ATAD2B: variants seen among roughly 807,000 people sequenced by gnomAD.
The protein encoded by ATAD2B is ATPase family AAA domain containing 2B, also known as ATPase family AAA domain-containing protein 2B.
ATAD2B carries 40 observed loss-of-function variants against 167.6 expected under a neutral mutation model. The ratio of observed to expected loss-of-function variants is 0.24; its 90% confidence interval spans 0.19 to 0.31. The LOEUF is 0.31. ATAD2B is among the 10% of genes least tolerant of loss of function. ATAD2B has a pLI of 1.00. For missense variants in ATAD2B, 1,242 were observed against 1,757.2 expected (o/e 0.71, Z 5.24); for synonymous variants, 579 against 596.5 (o/e 0.97, Z 0.43).
At chr2:23,839,549 T>C (rs543483451) in intron 13 of ATAD2B, among the ~76,000 whole-genome samples, 1 of 152,188 alleles carries the variant, frequency 6.6e-6, no homozygotes, top group South Asian at 2.1e-4. Context: ...TTAACTGACT[T>C]CCCTCATATT....
intron 6 of ATAD2B, among the ~76,000 whole-genome samples, chr2:23,882,420 G>A (rs1036652067): frequency 6.0e-4 from 87 of 145,326 alleles, no homozygotes; most frequent in Admixed American, 1.9e-3. Flanking sequence ...GGCCTCAAAC[G>A]CCTGATCTCA....
chr2:23,711,342 CTTTTTTTTTTTTTTTTTTTTTTTTTTTT>C, the ATAD2B span, among the ~76,000 whole-genome samples: 79 of 79,792 alleles, frequency 9.9e-4, no homozygotes, highest in Middle Eastern at 0.015. Context: ...GAATTTCTTT[CTTTTTTTTTTTTTTTTTTTTTTTTTTTT>C]TTTTTTTTTT....
Position 23,810,625 on chromosome 2 carries a change from A to C in ATAD2B, c.2268-123T>G, listed in dbSNP as rs1253303524. ...CAAATTAACAGAACTTTCCTATATT[A>C]TTTTAGTATAGTGACTTATTTTTTT... On this transcript the variant is annotated intron_variant, in intron 17 of 27. Transcript: ENST00000238789. The C allele has an allele frequency of 5.5e-6, 4 of 728,358 alleles. No homozygotes were observed. In the African/African-American group the frequency reaches 7.1e-5, roughly 13 times the overall value. The allele number at this position is 728,358 out of a possible 1,614,324, so 45.1% of individuals were successfully genotyped here.
chr2:23,740,634 ACT>A, the ATAD2B span, among the ~76,000 whole-genome samples: 1 of 152,160 alleles, frequency 6.6e-6, no homozygotes, highest in Non-Finnish European at 1.5e-5. Flanking sequence ...CTCTTTGAAA[ACT>A]GGCACAAGAC....
chr2:23,924,660 A>G (rs1296315766), intron 1 of ATAD2B, among the ~76,000 whole-genome samples: 2 of 152,222 alleles, frequency 1.3e-5, no homozygotes, highest in African/African-American at 2.4e-5. Flanking sequence ...TGAAAAACAA[A>G]TATTTCAAAG....
chr2:23,770,012 A>G lies in ATAD2B; in HGVS notation c.3134-4384T>C, dbSNP rs535700912. ...CTGTGGTCTTAATTTGCATTTCACT[A>G]AAGATTAATGAGGTTGACCGGACAC... is the stretch of plus-strand genomic sequence containing the variant. On this transcript the variant is annotated intron_variant, in intron 22 of 27. Coordinates refer to ENST00000238789, the MANE Select transcript of ATAD2B (RefSeq NM_017552.4). Among the ~76,000 whole-genome samples, 4 of 151,762 alleles carry G rather than the reference A, an allele frequency of 2.6e-5. No homozygotes were observed. The East Asian group carries it at 5.9e-4, about 22-fold the overall frequency.
At chr2:23,766,934 C>A (rs369229414) in intron 22 of ATAD2B, among the ~76,000 whole-genome samples, 47 of 133,990 alleles carry the variant, frequency 3.5e-4, no homozygotes, top group African/African-American at 1.0e-3. Flanking sequence ...AAAAAAAAAA[C>A]AACTAGTGCA....
At chr2:23,703,200 C>G in the ATAD2B span, 1 of 1,457,456 alleles carries the variant, frequency 6.9e-7, no homozygotes, top group Non-Finnish European at 9.1e-7. Flanking sequence ...GACACCATCA[C>G]CAACCAATGG....
intron 22 of ATAD2B, among the ~76,000 whole-genome samples, chr2:23,781,337 T>TAAAA (rs1259247166): frequency 5.3e-5 from 6 of 114,156 alleles, no homozygotes; most frequent in African/African-American, 1.2e-4. Flanking sequence ...CACAAAAAAA[T>TAAAA]AAATAAATAA....
chr2:23,834,147 TC>T, intron 13 of ATAD2B, 69 bp from the exon 14 acceptor site: 5 of 551,618 alleles, frequency 9.1e-6, no homozygotes, highest in Non-Finnish European at 1.3e-5. Flanking sequence ...CGTTTATCAG[TC>T]TTTCTTTTTT....
chr2:23,786,513 A>T (rs1410043622), intron 20 of ATAD2B, among the ~76,000 whole-genome samples: 1 of 152,090 alleles, frequency 6.6e-6, no homozygotes, highest in African/African-American at 2.4e-5. Context: ...GACTATACTG[A>T]ATACTGTAGG....
At chr2:23,684,477 T>C in the ATAD2B span, 3 of 1,551,228 alleles carry the variant, frequency 1.9e-6, no homozygotes, top group Non-Finnish European at 2.6e-6. This position sits in a 1 kb window ranked among gnomAD's most constrained non-coding sequence, Gnocchi z 4.4. Context: ...GGCAGAGAGT[T>C]TGAAGTCCAC....
the ATAD2B span, chr2:23,703,315 C>T: frequency 4.9e-5 from 76 of 1,546,666 alleles, no homozygotes; most frequent in African/African-American, 6.0e-4. Flanking sequence ...GCCGAGCTGC[C>T]GGCGTCCTCC....
intron 13 of ATAD2B, among the ~76,000 whole-genome samples, chr2:23,850,208 T>C (rs908735649): frequency 6.7e-6 from 1 of 148,758 alleles, no homozygotes; most frequent in Non-Finnish European, 1.5e-5. Context: ...AAATTAGAAG[T>C]AAATAACAAT....
At chr2:23,798,363 G>A in intron 18 of ATAD2B, 40 bp from the exon 19 acceptor site, 1 of 1,460,668 alleles carries the variant, frequency 6.8e-7, no homozygotes, top group Non-Finnish European at 9.4e-7. Context: ...AACTCAAATT[G>A]ATTATTCTAA....
At chr2:23,919,230 G>A (rs1017672034) in intron 1 of ATAD2B, among the ~76,000 whole-genome samples, 1 of 151,964 alleles carries the variant, frequency 6.6e-6, no homozygotes, top group African/African-American at 2.4e-5. Flanking sequence ...ATAATTTAAA[G>A]TGAGTCATAC....
intron 19 of ATAD2B, among the ~76,000 whole-genome samples, chr2:23,789,269 AC>A (rs1204876095): frequency 2.0e-5 from 3 of 152,022 alleles, no homozygotes; most frequent in African/African-American, 7.2e-5. Context: ...TCAGACTTTG[AC>A]CCCAGGTGTC....
chr2:23,722,922 G>C, the ATAD2B span, among the ~76,000 whole-genome samples: 18 of 152,152 alleles, frequency 1.2e-4, no homozygotes, highest in Non-Finnish European at 2.2e-4. Flanking sequence ...CTACTCATCT[G>C]ACAGGGGATT....
intron 25 of ATAD2B, chr2:23,755,175 TG>T: frequency 6.6e-6 from 1 of 152,096 alleles, no homozygotes; most frequent in Non-Finnish European, 1.5e-5. Flanking sequence ...CTAACAAAAG[TG>T]GGGCCCACCT....
Sources: allele counts gnomAD v4.1 joint callset (sites outside exome capture counted in the v4.1 genomes callset), GRCh38; gene constraint gnomAD v4.1.1; non-coding constraint Gnocchi (gnomAD v3.1); transcripts MANE v1.5; gene names NCBI Gene and HGNC (gene_info 2026-07-23, HGNC 2026-07-21).